Variants in AMPH observed in about 807,000 individuals in gnomAD.
The protein encoded by AMPH is amphiphysin (Stiff-Mann syndrome with breast cancer 128kD autoantigen).
In AMPH, 49 loss-of-function variants were observed where a neutral mutation model predicts 99.1. That is an observed-to-expected ratio of 0.49 (90% CI 0.39 to 0.63). AMPH has a LOEUF of 0.63. Ranked by LOEUF, AMPH falls within the 20% of genes least tolerant of loss-of-function variation. The pLI, the probability that AMPH is intolerant of heterozygous loss-of-function variation, is 0.00. For synonymous variants in AMPH, 314 were observed against 317.3 expected, an observed-to-expected ratio of 0.99 and a Z score of 0.11; for missense variants, 759 against 863.4, an observed-to-expected ratio of 0.88 and a Z score of 1.52.
intron 7 of AMPH, among the ~76,000 whole-genome samples, chr7:38,473,344 G>T (rs1787952756): frequency 6.6e-6 from 1 of 152,164 alleles, no homozygotes; most frequent in South Asian, 2.1e-4. Flanking sequence ...TAGTTGAGAT[G>T]ATGAGTATCT....
chr7:38,510,353 A>G (rs891317020), intron 2 of AMPH, among the ~76,000 whole-genome samples: 1 of 152,114 alleles, frequency 6.6e-6, no homozygotes, highest in Non-Finnish European at 1.5e-5. Context: ...TAATGGCCCT[A>G]TGTCCCAAAA....
intron 17 of AMPH, among the ~76,000 whole-genome samples, chr7:38,417,136 A>G (rs1036999423): frequency 6.6e-6 from 1 of 152,194 alleles, no homozygotes; most frequent in Non-Finnish European, 1.5e-5. Context: ...GGTACTCTAC[A>G]CTTTCATGGG....
At chr7:38,543,633 G>A (rs1790891302) in intron 1 of AMPH, among the ~76,000 whole-genome samples, 1 of 152,114 alleles carries the variant, frequency 6.6e-6, no homozygotes, top group Non-Finnish European at 1.5e-5. Flanking sequence ...TCATCTTACT[G>A]ATGAGAACAC....
At chr7:38,610,326 G>A (rs1460306452) in intron 1 of AMPH, among the ~76,000 whole-genome samples, 5 of 27,338 alleles carry the variant, frequency 1.8e-4, no homozygotes, top group Non-Finnish European at 2.9e-4. Context: ...GAAAAGAAAA[G>A]AAAAGAAAAA....
At chr7:38,432,806 A>G (rs1786085418) in intron 12 of AMPH, among the ~76,000 whole-genome samples, 1 of 152,214 alleles carries the variant, frequency 6.6e-6, no homozygotes, top group East Asian at 1.9e-4. Flanking sequence ...AAATTAGATG[A>G]TAACACACTG....
intron 11 of AMPH, among the ~76,000 whole-genome samples, chr7:38,444,358 G>T (rs1334276705): frequency 1.3e-5 from 2 of 151,952 alleles, no homozygotes; most frequent in African/African-American, 4.8e-5. Flanking sequence ...CTGACAACAG[G>T]GTCTGAACCA....
intron 1 of AMPH, among the ~76,000 whole-genome samples, chr7:38,594,456 G>T (rs1212220570): frequency 6.6e-6 from 1 of 152,166 alleles, no homozygotes; most frequent in Non-Finnish European, 1.5e-5. Context: ...TGTGCAAGGT[G>T]CTTTGATTCC....
chr7:38,599,422 C>A (rs1793169484), intron 1 of AMPH, among the ~76,000 whole-genome samples: 1 of 152,208 alleles, frequency 6.6e-6, no homozygotes, highest in African/African-American at 2.4e-5. Flanking sequence ...ATTTTCTCTT[C>A]CTTACGGTTT....
chr7:38,465,499 G>C lies in AMPH; in HGVS notation c.717C>G (p.Ala239=), dbSNP rs761825136. The part of the protein sequence containing the change: ...EVMTKLGDQH[A]DKAFTIQGAP... ...CTCCTTGGATGGTGAAGGCCTTGTC[G>C]GCGTGCTGGTCACCCAGTTTTGTCA... The change falls in exon 9 of 21, where the codon GCC becomes GCG. Residue 239 remains alanine, a synonymous_variant. Coordinates refer to ENST00000356264, the MANE Select transcript of AMPH (RefSeq NM_001635.4). 2 of 1,584,958 alleles carry C rather than the reference G, an allele frequency of 1.3e-6. No individual in the cohort carries two copies. Among genetic ancestry groups the C allele is most frequent in the South Asian group, 2.3e-5 (2 of 86,750 alleles).
chr7:38,509,404 A>G (rs1789453807), intron 2 of AMPH, among the ~76,000 whole-genome samples: 1 of 152,198 alleles, frequency 6.6e-6, no homozygotes. Context: ...TGATGATCAC[A>G]TACTTTCTAG....
chr7:38,393,627 A>G (rs1474255636), intron 18 of AMPH, among the ~76,000 whole-genome samples: 1 of 143,534 alleles, frequency 7.0e-6, no homozygotes, highest in East Asian at 2.0e-4. Flanking sequence ...TAAGAATAAT[A>G]AGATCTAAAT....
intron 12 of AMPH, among the ~76,000 whole-genome samples, chr7:38,434,744 A>AT (rs1786193790): frequency 2.7e-5 from 1 of 36,622 alleles, no homozygotes; most frequent in Non-Finnish European, 4.3e-5. Flanking sequence ...ATCTCAAAGA[A>AT]AAAAAAAAAA....
At chr7:38,459,902 GAC>G (rs148143280) in intron 11 of AMPH, among the ~76,000 whole-genome samples, 14,741 of 151,972 alleles carry the variant, frequency 0.097, 947 homozygotes, top group Middle Eastern at 0.2. Context: ...AGGGTGAAAA[GAC>G]AACCTGTTGA....
rs115410280 is a variant in AMPH, at chr7:38,561,780, C to T, written c.70-26769G>A. On this transcript the variant is annotated intron_variant, in intron 1 of 20. Coordinates refer to ENST00000356264, the MANE Select transcript of AMPH (RefSeq NM_001635.4). ...GATGAAGCCCCCATAATGAGATTAA[C>T]GTCCTTATAAGGAGAGGAACAGACA... Among the ~76,000 whole-genome samples, 910 of 152,202 alleles carry T rather than the reference C, an allele frequency of 6.0e-3. 13 individuals are homozygous for T. Among genetic ancestry groups the T allele is most frequent in the African/African-American group, 0.021 (857 of 41,526 alleles).
At position 38,391,738 on chromosome 7, in the gene AMPH, A is replaced by G. The variant is rs775188616; in HGVS notation, c.1878+10T>C. 4 of 1,608,726 alleles carry G rather than the reference A, an allele frequency of 2.5e-6. No individual in the cohort carries two copies. Among genetic ancestry groups the G allele is most frequent in the African/African-American group, 1.3e-5 (1 of 74,608 alleles). On this transcript the variant is annotated intron_variant, in intron 19 of 20. Transcript: ENST00000356264. ...AAAAAGGATAAATGAGACTTAAAAA[A>G]TAAGAATACCTTGTAGAGAAAGCCA...
intron 14 of AMPH, chr7:38,429,368 T>C: frequency 7.8e-7 from 1 of 1,290,308 alleles, no homozygotes; most frequent in Non-Finnish European, 1.0e-6. Flanking sequence ...TGGATAATCT[T>C]ATGTCTTGCT....
At chr7:38,598,866 C>T (rs1793152306) in intron 1 of AMPH, among the ~76,000 whole-genome samples, 1 of 152,032 alleles carries the variant, frequency 6.6e-6, no homozygotes, top group Non-Finnish European at 1.5e-5. Flanking sequence ...CTCCTCCTGT[C>T]CTTAGATTGG....
chr7:38,571,526 AAT>A (rs1356543779), intron 1 of AMPH, among the ~76,000 whole-genome samples: 11 of 137,676 alleles, frequency 8.0e-5, no homozygotes, highest in African/African-American at 2.9e-4. Flanking sequence ...TATTCTATAA[AAT>A]ATATATATTC....
intron 2 of AMPH, among the ~76,000 whole-genome samples, chr7:38,508,200 C>T (rs1221904920): frequency 6.6e-6 from 1 of 152,172 alleles, no homozygotes; most frequent in Non-Finnish European, 1.5e-5. Flanking sequence ...TTTAGGGGCA[C>T]CATTCCCATG....
Sources: gnomAD v4.1 joint callset for allele counts (sites outside exome capture counted in the v4.1 genomes callset) on GRCh38, gnomAD v4.1.1 for gene constraint, MANE v1.5 for transcripts, NCBI Gene and HGNC (gene_info 2026-07-23, HGNC 2026-07-21) for gene names.